PCDH17: variants seen among roughly 807,000 people sequenced by gnomAD.
PCDH17 encodes the protein protocadherin-17.
Under a neutral mutation model 67.7 loss-of-function variants are expected in PCDH17, and 21 were observed. The ratio of observed to expected loss-of-function variants is 0.31; its 90% CI spans 0.22 to 0.45. PCDH17 has a LOEUF of 0.45. Ranked by LOEUF, PCDH17 falls within the 20% of genes least tolerant of loss-of-function variation. The probability of loss-of-function intolerance (pLI) is 1.00; values close to 1 mark genes in which losing one functional copy is unlikely to be tolerated. For missense variants in PCDH17, 1,471 were observed against 1,564.8 expected, an observed-to-expected ratio of 0.94 and a Z score of 1.01; for synonymous variants, 701 against 656.7, an observed-to-expected ratio of 1.07 and a Z score of -1.03.
chr13:57,657,802 C>T (rs1004328223), intron 1 of PCDH17, among the ~76,000 whole-genome samples: 4 of 152,174 alleles, frequency 2.6e-5, no homozygotes, highest in African/African-American at 9.7e-5. Context: ...TAGGAAAACA[C>T]TGAAAATATA....
intron 1 of PCDH17, among the ~76,000 whole-genome samples, chr13:57,645,392 G>A (rs1051841466): frequency 6.6e-6 from 1 of 151,482 alleles, no homozygotes; most frequent in South Asian, 2.1e-4. Flanking sequence ...AGTCATTTTC[G>A]ACAATCACCC....
chr13:57,726,641 A>G lies in PCDH17; in HGVS notation c.*1347A>G, dbSNP rs1282585913. On this transcript the variant is annotated 3_prime_UTR_variant, in exon 4 of 4. Coordinates refer to ENST00000377918, the MANE Select transcript of PCDH17 (RefSeq NM_001040429.3). ...AACTGAAAGGTCAAAAATTACATCC[A>G]TCAGTCATGGTTATGTGCAAGTCCT... 1 of 152,634 alleles carries G rather than the reference A, an allele frequency of 6.6e-6. No homozygotes were observed. Among genetic ancestry groups the G allele is most frequent in the Admixed American group, 6.5e-5 (1 of 15,276 alleles). The allele number at this position is 152,634 out of a possible 1,614,324, so 9.5% of individuals were successfully genotyped here. A position where few individuals can be genotyped will look rare whatever the true frequency, so the allele number is the denominator to read the frequency against.
At chr13:57,689,213 T>G (rs140961813) in intron 3 of PCDH17, among the ~76,000 whole-genome samples, 229 of 152,064 alleles carry the variant, frequency 1.5e-3, no homozygotes, top group Middle Eastern at 6.8e-3. Flanking sequence ...CAACAATACT[T>G]AGGGGAATAT....
rs150344251 is a variant in PCDH17 at position 57,679,487 on chromosome 13, A to G, written c.2797+12654A>G. 1.1e-3 allele frequency among the ~76,000 whole-genome samples: 174 copies of G among 151,552 alleles called. 1 individual carries two copies. The East Asian group carries it at 0.028, about 24-fold the overall frequency. On this transcript the variant is annotated intron_variant, in intron 3 of 3. Transcript: ENST00000377918. ...TGGTAATGTATAATCACAGCATAGGATCATTTTGAATAGCACTTTTAGGAT... is the reference window on the plus strand; with the variant it reads ...TGGTAATGTATAATCACAGCATAGGGTCATTTTGAATAGCACTTTTAGGAT...
At chr13:57,683,413 G>A (rs1425824776) in intron 3 of PCDH17, among the ~76,000 whole-genome samples, 2 of 151,858 alleles carry the variant, frequency 1.3e-5, no homozygotes, top group African/African-American at 4.8e-5. Context: ...TGCAAAGAAT[G>A]AGTGCAATCC....
upstream of PCDH17, among the ~76,000 whole-genome samples, chr13:57,631,023 C>T (rs571037224): frequency 2.6e-5 from 4 of 152,204 alleles, no homozygotes; most frequent in East Asian, 7.7e-4. Context: ...AGCTCTGCAC[C>T]CCCTGCCCTC....
intron 1 of PCDH17, among the ~76,000 whole-genome samples, chr13:57,655,674 T>G (rs1331349591): frequency 2.6e-5 from 4 of 152,110 alleles, no homozygotes; most frequent in African/African-American, 9.7e-5. Flanking sequence ...CATGATTGCC[T>G]TTTAATGTTA....
At chr13:57,656,903 A>G (rs2138008954) in intron 1 of PCDH17, among the ~76,000 whole-genome samples, 1 of 152,260 alleles carries the variant, frequency 6.6e-6, no homozygotes, top group African/African-American at 2.4e-5. Context: ...ATTTAGTGGC[A>G]TCTCAGTTGG....
intron 1 of PCDH17, among the ~76,000 whole-genome samples, chr13:57,661,731 C>A (rs899007566): frequency 2.6e-5 from 4 of 152,154 alleles, no homozygotes; most frequent in African/African-American, 9.7e-5. Flanking sequence ...ATCGTCTTTT[C>A]AACTTTGTTA....
intron 3 of PCDH17, among the ~76,000 whole-genome samples, chr13:57,708,957 T>C (rs1358350447): frequency 6.6e-6 from 1 of 151,776 alleles, no homozygotes; most frequent in Non-Finnish European, 1.5e-5. Flanking sequence ...AATATACATG[T>C]ACATAATATA....
Position 57,727,060 on chromosome 13 carries a change from C to G in PCDH17, c.*1766C>G, listed in dbSNP as rs542428747. 1 of 152,658 alleles carries G rather than the reference C, an allele frequency of 6.6e-6. No homozygotes were observed. Among genetic ancestry groups the G allele is most frequent in the South Asian group, 2.1e-4 (1 of 4,824 alleles). 9.5% of individuals were successfully genotyped at this position (152,658 alleles called of 1,614,324 possible). ...CATTTAGCGAGTTTCAAACTTACTT[C>G]CATATGAGGCTAAGAAACCTCAAAT... On this transcript the variant is annotated 3_prime_UTR_variant, in exon 4 of 4. Transcript: ENST00000377918.
In PCDH17 at chr13:57,632,505, C is replaced by A; in HGVS notation, c.-42C>A. ...GCTGGCGCGCACTCCCTCTCTGGCT[C>A]CTCCAGTCCGATTGCTCCTGCCCCC... On this transcript the variant is annotated 5_prime_UTR_variant, in exon 1 of 4. Coordinates refer to ENST00000377918, the MANE Select transcript of PCDH17 (RefSeq NM_001040429.3). The A allele has an allele frequency of 6.3e-7, 1 of 1,580,780 alleles. No homozygotes were observed. The highest frequency in any genetic ancestry group is 8.6e-7 in the Non-Finnish European group (1 of 1,162,998).
intron 3 of PCDH17, among the ~76,000 whole-genome samples, chr13:57,715,976 G>A (rs1431545664): frequency 3.9e-5 from 6 of 151,922 alleles, no homozygotes; most frequent in African/African-American, 1.4e-4. Flanking sequence ...CAGTTTAAAT[G>A]CACATTAAGA....
At chr13:57,646,927 A>G (rs1954972688) in intron 1 of PCDH17, among the ~76,000 whole-genome samples, 1 of 151,880 alleles carries the variant, frequency 6.6e-6, no homozygotes, top group Admixed American at 6.6e-5. Flanking sequence ...GGATGTCAAA[A>G]TAAGTCTTGG....
intron 3 of PCDH17, among the ~76,000 whole-genome samples, chr13:57,668,941 A>T (rs1488243511): frequency 6.6e-6 from 1 of 152,088 alleles, no homozygotes; most frequent in Non-Finnish European, 1.5e-5. Flanking sequence ...TGCTGTACCC[A>T]TTAACTCGTC....
chr13:57,691,664 A>T (rs1426046938), intron 3 of PCDH17, among the ~76,000 whole-genome samples: 1 of 151,322 alleles, frequency 6.6e-6, no homozygotes, highest in African/African-American at 2.4e-5. Context: ...AAAGCTTTAC[A>T]TATAGCTTCA....
chr13:57,714,714 T>C (rs1007167743), intron 3 of PCDH17, among the ~76,000 whole-genome samples: 1 of 151,774 alleles, frequency 6.6e-6, no homozygotes, highest in Non-Finnish European at 1.5e-5. Context: ...GGAAATTGCA[T>C]TAACTCTTTC....
At chr13:57,688,873 G>A (rs1250555064) in intron 3 of PCDH17, among the ~76,000 whole-genome samples, 2 of 152,006 alleles carry the variant, frequency 1.3e-5, no homozygotes, top group African/African-American at 2.4e-5. Context: ...TCATAATGCA[G>A]TGTATATACA....
chr13:57,702,035 AGTCT>A (rs1445145206), intron 3 of PCDH17, among the ~76,000 whole-genome samples: 1 of 151,918 alleles, frequency 6.6e-6, no homozygotes, highest in Admixed American at 6.6e-5. Flanking sequence ...CTTCTGCTTC[AGTCT>A]CCCGAGTAGC....
Sources: gnomAD v4.1 joint callset for allele counts (sites outside exome capture counted in the v4.1 genomes callset) on GRCh38, gnomAD v4.1.1 for gene constraint, MANE v1.5 for transcripts, NCBI Gene and HGNC (gene_info 2026-07-23, HGNC 2026-07-21) for gene names.